PDE3A: variants seen among roughly 807,000 people sequenced by gnomAD.
PDE3A encodes phosphodiesterase 3A.
Under a neutral mutation model 98.3 loss-of-function variants are expected in PDE3A, and 43 were observed. That is an observed-to-expected ratio of 0.44 (90% confidence interval 0.34 to 0.56). The LOEUF (loss-of-function observed/expected upper bound fraction) is 0.56, where lower values mean the gene tolerates loss of function less well. Ranked by LOEUF, PDE3A falls within the 20% of genes least tolerant of loss-of-function variation. The pLI is 0.01. For synonymous variants in PDE3A, 663 were observed against 567.9 expected (o/e 1.17, Z -2.38); for missense variants, 1,427 against 1,440.7 (o/e 0.99, Z 0.15).
At chr12:20,545,934 A>G (rs1942044772) in intron 1 of PDE3A, among the ~76,000 whole-genome samples, 2 of 152,052 alleles carry the variant, frequency 1.3e-5, no homozygotes, top group South Asian at 4.1e-4. Context: ...CAGTGAAATC[A>G]ACATCACTTG....
At position 20,479,350 on chromosome 12, in the gene PDE3A, G is replaced by A. The variant is rs376745236; in HGVS notation, c.961-77310G>A. Among the ~76,000 whole-genome samples, 7 of 152,272 alleles carry A rather than the reference G, an allele frequency of 4.6e-5. No individual in the cohort carries two copies. In the East Asian group the frequency reaches 1.2e-3, roughly 25 times the overall value. ...ACTGCTCTCTTTTTGTGGGTATAAC[G>A]TGATTGTACTAGTAAGCCCAGGGGA... is the stretch of plus-strand genomic sequence containing the variant. On this transcript the variant is annotated intron_variant, in intron 1 of 15. Transcript: ENST00000359062.
At chr12:20,515,483 C>G (rs914225968) in intron 1 of PDE3A, among the ~76,000 whole-genome samples, 4 of 152,082 alleles carry the variant, frequency 2.6e-5, no homozygotes, top group African/African-American at 9.7e-5. Context: ...TGAGAAGTTC[C>G]TAGAGGACAG....
rs1943762258 is a variant in PDE3A, at chr12:20,386,040, AAAT to A, written c.960+15798_960+15800del. Among the ~76,000 whole-genome samples the A allele has an allele frequency of 3.9e-5, 3 of 77,096 alleles. 1 individual carries two copies. The highest frequency in any genetic ancestry group is 2.0e-4 in the Admixed American group (1 of 4,924). 50.6% of individuals were successfully genotyped at this position (77,096 alleles called of 152,430 possible). A position where few individuals can be genotyped will look rare whatever the true frequency, so the allele number is the denominator to read the frequency against. ...TAAAATATATATATAAATATATATAAAATATATATAAATATATATAAATATATA... is the reference window on the plus strand; with the variant it reads ...TAAAATATATATATAAATATATATAAATATATAAATATATATAAATATATA... On this transcript the variant is annotated intron_variant, in intron 1 of 15. Coordinates refer to ENST00000359062, the MANE Select transcript of PDE3A (RefSeq NM_000921.5).
At chr12:20,677,457 TTTTTTC>T (rs981012563) in intron 15 of PDE3A, among the ~76,000 whole-genome samples, 3 of 106,488 alleles carry the variant, frequency 2.8e-5, no homozygotes, top group East Asian at 4.2e-4. Context: ...GTTCTAATTT[TTTTTTC>T]TTTTCTTTTT....
intron 2 of PDE3A, among the ~76,000 whole-genome samples, chr12:20,610,393 A>G (rs1390273827): frequency 6.6e-6 from 1 of 152,020 alleles, no homozygotes. Context: ...AAGACAAGAT[A>G]TAACAAATGT....
intron 2 of PDE3A, among the ~76,000 whole-genome samples, chr12:20,605,485 A>ATCTT (rs34191804): frequency 0.037 from 5,648 of 152,166 alleles, 137 homozygotes; most frequent in Non-Finnish European, 0.054. Context: ...TAATTTTAAA[A>ATCTT]TCTTTTTCTT....
At chr12:20,556,103 A>G (rs1303875086) in intron 1 of PDE3A, among the ~76,000 whole-genome samples, 1 of 152,178 alleles carries the variant, frequency 6.6e-6, no homozygotes, top group African/African-American at 2.4e-5. Context: ...GCTCAGGGCT[A>G]TTACCACCAT....
rs909486226 is a variant in PDE3A, at chr12:20,406,468, G to A, written c.960+36224G>A. On this transcript the variant is annotated intron_variant, in intron 1 of 15. Coordinates refer to ENST00000359062, the MANE Select transcript of PDE3A (RefSeq NM_000921.5). ...ATTATGATTTTTATTTGCATTCCCC[G>A]GATGATTACTGAAGTTGAGCACCTT... Among the ~76,000 whole-genome samples the A allele has an allele frequency of 3.3e-5, 5 of 152,160 alleles. 1 individual carries two copies. Among genetic ancestry groups the A allele is most frequent in the East Asian group, 1.9e-4 (1 of 5,182 alleles).
At chr12:20,527,981 G>C (rs538753434) in intron 1 of PDE3A, among the ~76,000 whole-genome samples, 10 of 151,990 alleles carry the variant, frequency 6.6e-5, no homozygotes, top group Admixed American at 1.3e-4. Flanking sequence ...CCGGCTGTAA[G>C]TGTTCGATTT....
At chr12:20,569,017 T>G (rs75142294) in intron 2 of PDE3A, among the ~76,000 whole-genome samples, 4,880 of 152,126 alleles carry the variant, frequency 0.032, 103 homozygotes, top group Middle Eastern at 0.048. Context: ...GGCCACCACA[T>G]TAATAAATAT....
rs147186526 is a variant in PDE3A, at chr12:20,373,645, T to C, written c.960+3401T>C. Among the ~76,000 whole-genome samples the C allele has an allele frequency of 2.1e-3, 321 of 152,226 alleles. 1 individual carries two copies. Among genetic ancestry groups the C allele is most frequent in the East Asian group, 0.018 (96 of 5,190 alleles). On this transcript the variant is annotated intron_variant, in intron 1 of 15. Coordinates refer to ENST00000359062, the MANE Select transcript of PDE3A (RefSeq NM_000921.5). ...GTTACCTGTTAAGGAAAATTTTATA[T>C]TTTTACCTGTGGTTTCAGGTAAATA...
rs1185586686 is a variant in PDE3A, at chr12:20,634,946, A to G, written c.1891A>G (p.Ser631Gly). The change falls in exon 8 of 16, where the codon AGT (serine) becomes GGT (glycine). Residue 631 changes from serine to glycine, a missense_variant. Ser to Gly is a moderately conservative substitution (Grantham distance 56). This residue lies in a region of PDE3A where 1,012 missense variants were observed against 886.5 expected (regional missense o/e 1.14). Transcript: ENST00000359062. ...VTSDYETNNNSDSSDIVQNED... is the reference protein window; with the variant it reads ...VTSDYETNNNGDSSDIVQNED... Reference sequence around the variant, plus strand: ...CTCTGATTATGAAACCAATAACAACAGTGACAGCAGTGACATTGTACAGAA... The same window carrying G: ...CTCTGATTATGAAACCAATAACAACGGTGACAGCAGTGACATTGTACAGAA... 2 of 1,610,080 alleles carry G rather than the reference A, an allele frequency of 1.2e-6. No homozygotes were observed. The highest frequency in any genetic ancestry group is 8.5e-7 in the Non-Finnish European group (1 of 1,176,336).
chr12:20,384,194 T>C (rs1045738667), intron 1 of PDE3A, among the ~76,000 whole-genome samples: 4 of 151,582 alleles, frequency 2.6e-5, no homozygotes, highest in African/African-American at 9.7e-5. Context: ...ATTTTTTTTT[T>C]TTTTTTCTCT....
At chr12:20,538,138 G>A (rs73075173) in intron 1 of PDE3A, among the ~76,000 whole-genome samples, 12,575 of 152,156 alleles carry the variant, frequency 0.083, 714 homozygotes, top group Non-Finnish European at 0.12. Flanking sequence ...TTTCCATTAT[G>A]TATTTGCTGC....
In PDE3A at chr12:20,385,986, T is replaced by TATATATAAAATATATATATAA. The variant is rs1565532269; in HGVS notation, c.960+15750_960+15770dup. On this transcript the variant is annotated intron_variant, in intron 1 of 15. Transcript: ENST00000359062. The stretch of plus-strand genomic sequence containing the variant: ...AATTATATTAATTATTAATATATAA[T>TATATATAAAATATATATATAA]ATATATAAAATATATATATAAATAT... 3.7e-5 allele frequency among the ~76,000 whole-genome samples: 4 copies of TATATATAAAATATATATATAA among 107,012 alleles called. No individual in the cohort carries two copies. The South Asian group carries it at 9.3e-4, about 25-fold the overall frequency. The allele number at this position is 107,012 out of a possible 152,430, so 70.2% of individuals were successfully genotyped here. A position where few individuals can be genotyped will look rare whatever the true frequency, so the allele number is the denominator to read the frequency against.
At chr12:20,452,047 A>G (rs1055554982) in intron 1 of PDE3A, among the ~76,000 whole-genome samples, 4 of 152,140 alleles carry the variant, frequency 2.6e-5, no homozygotes, top group African/African-American at 4.8e-5. Context: ...GATAGGTCTC[A>G]GCTTAGATGT....
chr12:20,550,371 T>G (rs1435786430), intron 1 of PDE3A, among the ~76,000 whole-genome samples: 2 of 152,144 alleles, frequency 1.3e-5, no homozygotes, highest in Non-Finnish European at 2.9e-5. Flanking sequence ...AATAATGAGC[T>G]CATCTTCCTA....
intron 2 of PDE3A, among the ~76,000 whole-genome samples, chr12:20,570,400 G>A (rs1025766741): frequency 1.3e-5 from 1 of 79,376 alleles, no homozygotes; most frequent in Non-Finnish European, 2.1e-5. Flanking sequence ...AGAATGCGAC[G>A]CTGTCTCAAA....
intron 1 of PDE3A, among the ~76,000 whole-genome samples, chr12:20,476,444 A>G (rs1945533902): frequency 6.6e-6 from 1 of 152,250 alleles, no homozygotes. Flanking sequence ...ATGGCATATA[A>G]AAAATGATAA....
Sources: gnomAD v4.1 joint callset for allele counts (sites outside exome capture counted in the v4.1 genomes callset) on GRCh38, gnomAD v4.1.1 for gene constraint, gnomAD v4.1.1 regional missense constraint, MANE v1.5 for transcripts, NCBI Gene and HGNC (gene_info 2026-07-23, HGNC 2026-07-21) for gene names.